The following HECW1 variants were observed in gnomAD, a reference collection of about 807,000 sequenced individuals.
The protein encoded by HECW1 is HECT, C2 and WW domain containing E3 ubiquitin protein ligase 1.
HECW1 carries 61 observed loss-of-function variants against 182.3 expected under a neutral mutation model. The observed-to-expected ratio is 0.33, with a 90% CI of 0.27 to 0.41. The LOEUF (loss-of-function observed/expected upper bound fraction) is 0.41, where lower values mean the gene tolerates loss of function less well. Ranked by LOEUF, HECW1 falls within the 10% of genes least tolerant of loss-of-function variation. The pLI, the probability that HECW1 is intolerant of heterozygous loss-of-function variation, is 1.00. For missense variants in HECW1, 1,739 were observed against 2,108.9 expected (o/e 0.82, Z 3.44); for synonymous variants, 859 against 832.6 (o/e 1.03, Z -0.55).
At chr7:43,199,964 TAATC>T (rs1277926063) in intron 2 of HECW1, among the ~76,000 whole-genome samples, 72 of 152,342 alleles carry the variant, frequency 4.7e-4, no homozygotes, top group African/African-American at 1.6e-3. Context: ...GTTATAGTAA[TAATC>T]TGTGAATAAG....
chr7:43,158,675 C>T (rs1383476877), intron 2 of HECW1, among the ~76,000 whole-genome samples: 1 of 152,202 alleles, frequency 6.6e-6, no homozygotes, highest in Non-Finnish European at 1.5e-5. Flanking sequence ...ATCCCATCCC[C>T]TCCCCCTTTC....
intron 2 of HECW1, chr7:43,118,116 A>G (rs927560122): frequency 2.0e-5 from 3 of 152,650 alleles, no homozygotes; most frequent in Non-Finnish European, 2.9e-5. Flanking sequence ...AAATGCCATC[A>G]TGGAGACTTC....
chr7:43,486,101 A>G (rs1371571410), intron 17 of HECW1, among the ~76,000 whole-genome samples: 2 of 151,770 alleles, frequency 1.3e-5, no homozygotes, highest in African/African-American at 2.4e-5. Flanking sequence ...GAGTGAGAAC[A>G]TGAGGTGTTT....
intron 2 of HECW1, among the ~76,000 whole-genome samples, chr7:43,221,224 G>T (rs541021008): frequency 6.6e-6 from 1 of 152,226 alleles, no homozygotes; most frequent in Admixed American, 6.5e-5. Context: ...GTCAACAGTT[G>T]CCAGGGGTCC....
chr7:43,491,926 CTT>C lies in HECW1; in HGVS notation c.3235-146_3235-145del, dbSNP rs2078946729. Reference sequence around the variant, plus strand: ...GCACATCATCAACTCTACTTAGACACTTTTGTAAGCTTTCTTTTCCATCACTT... The same window carrying C: ...GCACATCATCAACTCTACTTAGACACTTGTAAGCTTTCTTTTCCATCACTT... On this transcript the variant is annotated intron_variant, in intron 17 of 29. Transcript: ENST00000395891. 4.8e-6 allele frequency: 3 copies of C among 621,958 alleles called. No homozygotes were observed. The African/African-American group carries it at 5.6e-5, about 12-fold the overall frequency. The allele number at this position is 621,958 out of a possible 1,614,324, so 38.5% of individuals were successfully genotyped here. A position where few individuals can be genotyped will look rare whatever the true frequency, so the allele number is the denominator to read the frequency against.
rs1457441832 is a variant in HECW1 at position 43,554,720 on chromosome 7, G to A, written c.4639G>A (p.Ala1547Thr). 6 of 1,614,048 alleles carry A rather than the reference G, an allele frequency of 3.7e-6. No homozygotes were observed. Among genetic ancestry groups the A allele is most frequent in the Non-Finnish European group, 4.2e-6 (5 of 1,180,014 alleles). ...CAGCGTGCCCTACGAAGGCTTCGCA[G>A]CCCTCCGTGGGAGCAATGGGCTTCG... ...TSSVPYEGFA[A>T]LRGSNGLRRF... The change falls in exon 29 of 30, where the codon GCC becomes ACC. Residue 1547 changes from alanine (A) to threonine (T), a missense_variant. By Grantham distance (58) the Ala-to-Thr change is moderately conservative. Around this residue, in one of 5 missense-constraint regions of HECW1, gnomAD observed 420 missense variants for 595.7 expected, o/e 0.71. Transcript: ENST00000395891.
At chr7:43,514,766 A>G (rs1420457614) in intron 24 of HECW1, among the ~76,000 whole-genome samples, 1 of 152,232 alleles carries the variant, frequency 6.6e-6, no homozygotes, top group Non-Finnish European at 1.5e-5. Context: ...AGAACATGCT[A>G]AATATACCAG....
chr7:43,195,999 T>C (rs1174491838), intron 2 of HECW1, among the ~76,000 whole-genome samples: 1 of 152,178 alleles, frequency 6.6e-6, no homozygotes, highest in Non-Finnish European at 1.5e-5. Flanking sequence ...CAGCACCACG[T>C]TGGGTCCAGT....
At chr7:43,518,082 T>C (rs10273734) in intron 24 of HECW1, among the ~76,000 whole-genome samples, 7,757 of 152,282 alleles carry the variant, frequency 0.051, 318 homozygotes, top group East Asian at 0.19. Flanking sequence ...AAAATCTAGG[T>C]GAATTTATGC....
At chr7:43,421,767 T>C (rs1441444159) in intron 8 of HECW1, among the ~76,000 whole-genome samples, 2 of 152,154 alleles carry the variant, frequency 1.3e-5, no homozygotes, top group African/African-American at 4.8e-5. Context: ...ATGGCCAAAC[T>C]GAAGAAGATC....
At chr7:43,258,365 AT>A (rs1397154615) in intron 3 of HECW1, among the ~76,000 whole-genome samples, 28 of 126,012 alleles carry the variant, frequency 2.2e-4, no homozygotes, top group African/African-American at 3.3e-4. Context: ...AATAAAAAAA[AT>A]AAAAAAATAA....
chr7:43,186,456 A>G (rs1053516766), intron 2 of HECW1, among the ~76,000 whole-genome samples: 5 of 152,064 alleles, frequency 3.3e-5, no homozygotes, highest in Non-Finnish European at 4.4e-5. Flanking sequence ...TCACGAGGTC[A>G]GGAGATTGAG....
intron 2 of HECW1, among the ~76,000 whole-genome samples, chr7:43,114,755 T>C (rs540174684): frequency 6.6e-6 from 1 of 152,252 alleles, no homozygotes; most frequent in South Asian, 2.1e-4. Context: ...AGTTTTTTCA[T>C]GAAGGCAAAT....
chr7:43,285,796 A>C (rs1308963548), intron 3 of HECW1, among the ~76,000 whole-genome samples: 4 of 139,330 alleles, frequency 2.9e-5, no homozygotes, highest in Admixed American at 6.8e-5. Context: ...TCAACAAAAA[A>C]TAAAATAAAA....
At chr7:43,489,412 T>C (rs568714003) in intron 17 of HECW1, among the ~76,000 whole-genome samples, 4 of 152,364 alleles carry the variant, frequency 2.6e-5, no homozygotes, top group African/African-American at 9.6e-5. Flanking sequence ...GAGGATTCAA[T>C]ACTGCATAGT....
chr7:43,443,580 G>A (rs1463200448), intron 10 of HECW1, among the ~76,000 whole-genome samples: 2 of 152,206 alleles, frequency 1.3e-5, no homozygotes, highest in Non-Finnish European at 2.9e-5. Flanking sequence ...AACAGCTGCA[G>A]GAAGGTAGAG....
intron 2 of HECW1, among the ~76,000 whole-genome samples, chr7:43,164,016 C>T (rs550011679): frequency 6.6e-6 from 1 of 152,260 alleles, no homozygotes; most frequent in Non-Finnish European, 1.5e-5. Context: ...CCCTGGCTGG[C>T]AGATTTCACA....
intron 2 of HECW1, among the ~76,000 whole-genome samples, chr7:43,146,052 T>G (rs542392168): frequency 7.2e-4 from 110 of 152,318 alleles, no homozygotes; most frequent in African/African-American, 2.6e-3. Context: ...TGTCTCCTCT[T>G]TGGTTTGGCT....
At chr7:43,516,644 A>T (rs1427413912) in intron 24 of HECW1, among the ~76,000 whole-genome samples, 1 of 152,228 alleles carries the variant, frequency 6.6e-6, no homozygotes, top group Non-Finnish European at 1.5e-5. Flanking sequence ...GAAGAATACC[A>T]GCGCCTCAGA....
Sources: allele counts gnomAD v4.1 joint callset (sites outside exome capture counted in the v4.1 genomes callset), GRCh38; gene constraint gnomAD v4.1.1; regional missense constraint gnomAD v4.1.1; transcripts MANE v1.5; gene names NCBI Gene and HGNC (gene_info 2026-07-23, HGNC 2026-07-21).